Variants in FMN1 observed in about 807,000 individuals in gnomAD.
The protein encoded by FMN1 is formin-1.
Under a neutral mutation model 132.4 loss-of-function variants are expected in FMN1, and 110 were observed. The ratio of observed to expected loss-of-function variants is 0.83; its 90% confidence interval spans 0.71 to 0.97. FMN1 has a LOEUF of 0.97. Ranked by LOEUF, FMN1 falls within the 50% of genes least tolerant of loss-of-function variation. The probability of loss-of-function intolerance (pLI) is 0.00; values close to 1 mark genes in which losing one functional copy is unlikely to be tolerated. For missense variants in FMN1, 1,792 were observed against 1,705.3 expected (o/e 1.05, Z -0.90); for synonymous variants, 722 against 651.7 (o/e 1.11, Z -1.64).
At chr15:33,179,215 AC>A (rs769793124) in intron 3 of FMN1, among the ~76,000 whole-genome samples, 2 of 152,204 alleles carry the variant, frequency 1.3e-5, no homozygotes, top group Non-Finnish European at 2.9e-5. Context: ...ATAAATTGAT[AC>A]CAAACTTTCC....
At chr15:32,851,594 A>G (rs965614902) in intron 17 of FMN1, among the ~76,000 whole-genome samples, 1 of 152,206 alleles carries the variant, frequency 6.6e-6, no homozygotes. Context: ...AAAGGCATGG[A>G]TATCATGGAG....
At chr15:32,792,518 C>T (rs2057125110) in intron 19 of FMN1, among the ~76,000 whole-genome samples, 2 of 151,782 alleles carry the variant, frequency 1.3e-5, no homozygotes, top group East Asian at 4.0e-4. Context: ...TAGAAGGAGT[C>T]ATCTGATTTC....
intron 17 of FMN1, among the ~76,000 whole-genome samples, chr15:32,856,098 A>C (rs527464265): frequency 1.3e-5 from 2 of 152,304 alleles, no homozygotes; most frequent in South Asian, 2.1e-4. Flanking sequence ...TAGACTGAGA[A>C]TTTCCCTGCT....
At chr15:33,182,589 C>T (rs1433512334) in intron 2 of FMN1, among the ~76,000 whole-genome samples, 3 of 152,208 alleles carry the variant, frequency 2.0e-5, no homozygotes, top group Non-Finnish European at 4.4e-5. Context: ...TGTTTGGACA[C>T]CCTCGAAGTA....
intron 17 of FMN1, among the ~76,000 whole-genome samples, chr15:32,821,425 T>G (rs2058213468): frequency 6.6e-6 from 1 of 151,436 alleles, no homozygotes. Flanking sequence ...AAATTCTAAC[T>G]TTTTGACTAA....
intron 19 of FMN1, among the ~76,000 whole-genome samples, chr15:32,780,645 G>C (rs2056633495): frequency 6.6e-6 from 1 of 152,108 alleles, no homozygotes; most frequent in Non-Finnish European, 1.5e-5. Context: ...TCTTGTGTGA[G>C]ATCCAAGAAC....
intron 6 of FMN1, among the ~76,000 whole-genome samples, chr15:33,039,733 A>AT (rs1282347172): frequency 6.9e-6 from 1 of 145,978 alleles, no homozygotes; most frequent in Non-Finnish European, 1.5e-5. Context: ...GAAACCAAGA[A>AT]TATCTACTGA....
At chr15:32,903,841 G>A (rs186307704) in intron 12 of FMN1, among the ~76,000 whole-genome samples, 1 of 152,306 alleles carries the variant, frequency 6.6e-6, no homozygotes, top group Non-Finnish European at 1.5e-5. Flanking sequence ...CCTTTCTGGG[G>A]TTAGGGCTTG....
chr15:32,927,465 C>T (rs1023037963), intron 9 of FMN1, among the ~76,000 whole-genome samples: 1 of 152,140 alleles, frequency 6.6e-6, no homozygotes, highest in African/African-American at 2.4e-5. Flanking sequence ...CACTATATTG[C>T]CAATGCTGCT....
intron 10 of FMN1, among the ~76,000 whole-genome samples, chr15:32,916,333 A>G (rs2060683078): frequency 1.3e-5 from 2 of 152,212 alleles, no homozygotes; most frequent in Non-Finnish European, 2.9e-5. Flanking sequence ...CTCCAAGTGT[A>G]CCATGCCCAT....
intron 6 of FMN1, chr15:33,013,066 T>A: frequency 4.9e-6 from 2 of 405,350 alleles, no homozygotes; most frequent in Non-Finnish European, 9.6e-6. Context: ...CAGAAGATTT[T>A]AATTACTGCC....
At chr15:33,048,134 A>G (rs2036776389) in intron 6 of FMN1, among the ~76,000 whole-genome samples, 1 of 72,914 alleles carries the variant, frequency 1.4e-5, no homozygotes. Flanking sequence ...TGTCTTCAAA[A>G]TGTAAACGTG....
intron 2 of FMN1, among the ~76,000 whole-genome samples, chr15:33,191,938 GA>G (rs1224826143): frequency 6.6e-6 from 1 of 152,174 alleles, no homozygotes; most frequent in East Asian, 1.9e-4. Context: ...GAATTAAGCT[GA>G]TATTTAAGAC....
intron 7 of FMN1, among the ~76,000 whole-genome samples, chr15:32,971,400 T>G (rs1041262239): frequency 2.0e-5 from 3 of 152,174 alleles, no homozygotes; most frequent in African/African-American, 7.2e-5. Context: ...ATACCAAAGT[T>G]TACCTAGCCT....
intron 9 of FMN1, among the ~76,000 whole-genome samples, chr15:32,933,576 C>T (rs1463118688): frequency 6.6e-6 from 1 of 151,856 alleles, no homozygotes; most frequent in Non-Finnish European, 1.5e-5. Context: ...ATTGAAATCT[C>T]CCATTGCTGT....
intron 16 of FMN1, among the ~76,000 whole-genome samples, chr15:32,885,850 G>A (rs2059884633): frequency 1.3e-5 from 2 of 151,570 alleles, no homozygotes; most frequent in Admixed American, 1.3e-4. Flanking sequence ...GAGATCTAGG[G>A]CCTGATACTT....
rs1220344399 is a variant in FMN1, at chr15:32,765,998, C to T, written c.*8312G>A. On this transcript the variant is annotated 3_prime_UTR_variant, in exon 21 of 21. Transcript: ENST00000616417. The stretch of plus-strand genomic sequence containing the variant: ...TTTAAAAATGCAAAGGGAAAAATAC[C>T]TGAATCCAATGAGCTTATTATGCTT... 1 of 152,054 alleles carries T rather than the reference C, an allele frequency of 6.6e-6. No individual in the cohort carries two copies. The highest frequency in any genetic ancestry group is 1.9e-4 in the East Asian group (1 of 5,194). 9.4% of individuals were successfully genotyped at this position (152,054 alleles called of 1,614,324 possible). A position where few individuals can be genotyped will look rare whatever the true frequency, so the allele number is the denominator to read the frequency against.
At chr15:33,067,580 G>A in intron 5 of FMN1, 1 of 1,613,932 alleles carries the variant, frequency 6.2e-7, no homozygotes, top group Non-Finnish European at 8.5e-7. Context: ...CTCTGATTCT[G>A]TCTCCACGCT....
chr15:33,165,633 C>T lies in FMN1; in HGVS notation c.-131-10588G>A, dbSNP rs1001941668. Among the ~76,000 whole-genome samples, 57 of 152,130 alleles carry T rather than the reference C, an allele frequency of 3.7e-4. 1 individual carries two copies. The highest frequency in any genetic ancestry group is 1.1e-3 in the African/African-American group (47 of 41,432). On this transcript the variant is annotated intron_variant, in intron 3 of 20. Coordinates refer to ENST00000616417, the MANE Select transcript of FMN1 (RefSeq NM_001277313.2). The stretch of plus-strand genomic sequence containing the variant: ...GTCTCAATCTTCTTACCTGATGATC[C>T]GCCTGCCTCGGCCTCCCAAAGTGCT...
Sources: allele counts gnomAD v4.1 joint callset (sites outside exome capture counted in the v4.1 genomes callset), GRCh38; gene constraint gnomAD v4.1.1; transcripts MANE v1.5; gene names NCBI Gene and HGNC (gene_info 2026-07-23, HGNC 2026-07-21).